UVRAG: variants seen among roughly 807,000 people sequenced by gnomAD.
UVRAG encodes UV radiation resistance associated, also known as UV radiation resistance-associated gene protein.
In UVRAG, 19 loss-of-function variants were observed where a neutral mutation model predicts 78.0. That is an observed-to-expected ratio of 0.24 (90% CI 0.17 to 0.36). UVRAG has a LOEUF of 0.36. UVRAG is among the 10% of genes least tolerant of loss of function. UVRAG has a pLI of 1.00. For missense variants in UVRAG, 740 were observed against 853.8 expected (o/e 0.87, Z 1.66); for synonymous variants, 323 against 324.6 (o/e 1.00, Z 0.05).
chr11:75,862,810 C>A (rs1009919268), intron 3 of UVRAG, among the ~76,000 whole-genome samples: 1 of 152,206 alleles, frequency 6.6e-6, no homozygotes, highest in Non-Finnish European at 1.5e-5. Flanking sequence ...CTGCCTCCCA[C>A]CTGCTAGAAC....
At chr11:75,815,815 C>G (rs969026442) in intron 1 of UVRAG, among the ~76,000 whole-genome samples, 2 of 152,182 alleles carry the variant, frequency 1.3e-5, no homozygotes, top group Non-Finnish European at 1.5e-5. Flanking sequence ...GCCGCCTCCC[C>G]CAACGCAGGG....
At chr11:76,047,110 A>G (rs1950773167) in intron 12 of UVRAG, among the ~76,000 whole-genome samples, 1 of 147,398 alleles carries the variant, frequency 6.8e-6, no homozygotes, top group African/African-American at 2.4e-5. Flanking sequence ...ATGTAAACAT[A>G]TGATTGTAAA....
At chr11:76,085,406 C>T (rs1028631326) in intron 13 of UVRAG, among the ~76,000 whole-genome samples, 5 of 152,160 alleles carry the variant, frequency 3.3e-5, no homozygotes, top group African/African-American at 1.2e-4. Context: ...GGCCAGCAGG[C>T]AGTCTGTAGT....
intron 12 of UVRAG, among the ~76,000 whole-genome samples, chr11:76,056,332 G>A (rs1215045): frequency 1.3e-5 from 2 of 152,198 alleles, no homozygotes; most frequent in Admixed American, 6.5e-5. Flanking sequence ...ATTTTTGTGG[G>A]CAAATGTTTT....
intron 1 of UVRAG, among the ~76,000 whole-genome samples, chr11:75,849,929 C>T (rs1217088657): frequency 1.3e-5 from 2 of 152,244 alleles, no homozygotes; most frequent in African/African-American, 4.8e-5. Context: ...GTACATTCAG[C>T]AAGGTGGGAG....
chr11:76,100,637 A>G (rs886662671), intron 13 of UVRAG, among the ~76,000 whole-genome samples: 17 of 152,188 alleles, frequency 1.1e-4, no homozygotes, highest in African/African-American at 4.1e-4. Context: ...GTTTAGGGGT[A>G]CATGTGCAGT....
chr11:76,037,790 G>A (rs1018943683), intron 12 of UVRAG, among the ~76,000 whole-genome samples: 5 of 152,100 alleles, frequency 3.3e-5, no homozygotes, highest in African/African-American at 7.2e-5. Flanking sequence ...GTTATTTAGT[G>A]TAAATGGTAG....
intron 8 of UVRAG, among the ~76,000 whole-genome samples, chr11:75,999,570 G>A (rs1344907580): frequency 3.3e-5 from 5 of 151,738 alleles, no homozygotes; most frequent in Non-Finnish European, 7.4e-5. Context: ...TAGTAGAGAC[G>A]GGGTTTCACT....
At chr11:75,946,858 C>T (rs1948597784) in intron 6 of UVRAG, among the ~76,000 whole-genome samples, 1 of 152,202 alleles carries the variant, frequency 6.6e-6, no homozygotes, top group Non-Finnish European at 1.5e-5. Context: ...TCAGCTTAGA[C>T]TGCCATAACA....
chr11:75,995,021 T>G (rs1378025534), intron 8 of UVRAG, among the ~76,000 whole-genome samples: 1 of 152,192 alleles, frequency 6.6e-6, no homozygotes, highest in African/African-American at 2.4e-5. Context: ...AATTATACAG[T>G]CAAGATTTCT....
At chr11:76,073,020 G>A (rs961793669) in intron 13 of UVRAG, among the ~76,000 whole-genome samples, 1 of 152,094 alleles carries the variant, frequency 6.6e-6, no homozygotes. Context: ...ACAAATCAAG[G>A]CAGAGGGACT....
chr11:76,094,556 A>G (rs886979194), intron 13 of UVRAG, among the ~76,000 whole-genome samples: 1 of 152,156 alleles, frequency 6.6e-6, no homozygotes, highest in African/African-American at 2.4e-5. Context: ...TGGTCTATTC[A>G]GGGATTCCAT....
chr11:75,851,828 A>G (rs747413409), intron 1 of UVRAG, 55 bp from the exon 2 acceptor site: 2 of 1,437,138 alleles, frequency 1.4e-6, no homozygotes, highest in African/African-American at 2.9e-5. Flanking sequence ...ACTTCCAGAA[A>G]ATTTTATAGG....
chr11:75,875,647 A>G (rs947223288), intron 3 of UVRAG, among the ~76,000 whole-genome samples: 2 of 105,832 alleles, frequency 1.9e-5, no homozygotes, highest in African/African-American at 3.6e-5. Flanking sequence ...TGGTCTTTTT[A>G]TCTCTGCTGC....
At position 75,837,097 on chromosome 11, in the gene UVRAG, A is replaced by ACTTT. The variant is rs1301850319; in HGVS notation, c.118-14786_118-14785insCTTT. On this transcript the variant is annotated intron_variant, in intron 1 of 14. Coordinates refer to ENST00000356136, the MANE Select transcript of UVRAG (RefSeq NM_003369.4). ...GTAATCCCAGCACTTTGGGAGGCCAAGGTGGGTGGATCCTGAGGTCAGGAG... is the reference window on the plus strand; with the variant it reads ...GTAATCCCAGCACTTTGGGAGGCCAACTTTGGTGGGTGGATCCTGAGGTCAGGAG... 2.9e-3 allele frequency among the ~76,000 whole-genome samples: 447 copies of ACTTT among 152,262 alleles called. 6 individuals carry two copies. The East Asian group carries it at 0.073, about 25-fold the overall frequency.
At position 76,020,819 on chromosome 11, in the gene UVRAG, T is replaced by G. The variant is rs531377844; in HGVS notation, c.1226+3839T>G. Among the ~76,000 whole-genome samples the G allele has an allele frequency of 2.6e-5, 4 of 152,220 alleles. No individual in the cohort carries two copies. The South Asian group carries it at 8.3e-4, about 32-fold the overall frequency. ...GAATTGCAGTCTTCACAGCCTAGAC[T>G]GTCTTTCAAGATTATTTAGAACCCC... On this transcript the variant is annotated intron_variant, in intron 12 of 14. Coordinates refer to ENST00000356136, the MANE Select transcript of UVRAG (RefSeq NM_003369.4).
At chr11:76,023,528 G>A (rs750617924) in intron 12 of UVRAG, among the ~76,000 whole-genome samples, 1 of 152,044 alleles carries the variant, frequency 6.6e-6, no homozygotes, top group Non-Finnish European at 1.5e-5. Flanking sequence ...AGTGAGTTCA[G>A]ACTAGGTGAG....
At chr11:75,877,658 G>T in intron 3 of UVRAG, among the ~76,000 whole-genome samples, 2 of 133,464 alleles carry the variant, frequency 1.5e-5, no homozygotes, top group Non-Finnish European at 3.2e-5. Flanking sequence ...AGGCAGAGGG[G>T]CTCCTCACTT....
At chr11:76,136,954 G>A (rs1952607868) in intron 14 of UVRAG, among the ~76,000 whole-genome samples, 1 of 151,998 alleles carries the variant, frequency 6.6e-6, no homozygotes, top group Admixed American at 6.5e-5. Context: ...TAAAACTATT[G>A]TAATAATTAA....
Sources: allele counts gnomAD v4.1 joint callset (sites outside exome capture counted in the v4.1 genomes callset), GRCh38; gene constraint gnomAD v4.1.1; transcripts MANE v1.5; gene names NCBI Gene and HGNC (gene_info 2026-07-23, HGNC 2026-07-21).